The following GAD1 variants were observed in gnomAD, a reference collection of about 807,000 sequenced individuals.
GAD1 encodes 67 kDa glutamic acid decarboxylase.
In GAD1, 35 loss-of-function variants were observed where a neutral mutation model predicts 75.2. That is an observed-to-expected ratio of 0.47 (90% CI 0.36 to 0.62). GAD1 has a LOEUF of 0.62. GAD1 is among the 20% of genes least tolerant of loss of function. The pLI, the probability that GAD1 is intolerant of heterozygous loss-of-function variation, is 0.00. For missense variants in GAD1, 490 were observed against 758.5 expected (o/e 0.65, Z 4.16); for synonymous variants, 257 against 271.9 (o/e 0.95, Z 0.54).
At chr2:170,843,912 GA>G in intron 6 of GAD1, 132 bp from the exon 7 acceptor site, 1 of 670,376 alleles carries the variant, frequency 1.5e-6, no homozygotes, top group Non-Finnish European at 2.7e-6. Context: ...TCCAGGAAAT[GA>G]ATCATGTTAG....
In GAD1 at chr2:170,859,957, C is replaced by A; in HGVS notation, c.*75C>A. The A allele has an allele frequency of 1.5e-6, 2 of 1,326,934 alleles. No individual in the cohort carries two copies. The highest frequency in any genetic ancestry group is 2.1e-6 in the Non-Finnish European group (2 of 931,424). The allele number at this position is 1,326,934 out of a possible 1,614,324, so 82.2% of individuals were successfully genotyped here. On this transcript the variant is annotated 3_prime_UTR_variant, in exon 17 of 17. Transcript: ENST00000358196. The stretch of plus-strand genomic sequence containing the variant: ...CTCCAGAACAAACCTCTATATGTTG[C>A]TGAAACACACAGGCCATTTCATTGA...
At chr2:170,821,062 C>G (rs1701863486) in intron 2 of GAD1, among the ~76,000 whole-genome samples, 1 of 152,222 alleles carries the variant, frequency 6.6e-6, no homozygotes, top group Non-Finnish European at 1.5e-5. Flanking sequence ...TCTGTTGTGC[C>G]TCAGGTTTAA....
In GAD1 at chr2:170,860,143, G is replaced by A. The variant is rs1470524306; in HGVS notation, c.*261G>A. On this transcript the variant is annotated 3_prime_UTR_variant, in exon 17 of 17. Coordinates refer to ENST00000358196, the MANE Select transcript of GAD1 (RefSeq NM_000817.3). Reference sequence around the variant, plus strand: ...CTCTCTATATATACATGTATAGTGAGTGTGGCTTAGTAATAGATCACGGCA... The same window carrying A: ...CTCTCTATATATACATGTATAGTGAATGTGGCTTAGTAATAGATCACGGCA... 1 of 413,630 alleles carries A rather than the reference G, an allele frequency of 2.4e-6. No homozygotes were observed. Among genetic ancestry groups the A allele is most frequent in the East Asian group, 4.7e-5 (1 of 21,278 alleles). The allele number at this position is 413,630 out of a possible 1,614,324, so 25.6% of individuals were successfully genotyped here. A position where few individuals can be genotyped will look rare whatever the true frequency, so the allele number is the denominator to read the frequency against.
intron 12 of GAD1, among the ~76,000 whole-genome samples, chr2:170,849,730 A>G (rs1702710478): frequency 6.6e-6 from 1 of 152,236 alleles, no homozygotes; most frequent in Non-Finnish European, 1.5e-5. Flanking sequence ...ACAATAAACA[A>G]GTAGTTAGAA....
intron 2 of GAD1, among the ~76,000 whole-genome samples, chr2:170,820,964 G>T (rs761738406): frequency 6.6e-6 from 1 of 152,170 alleles, no homozygotes; most frequent in Admixed American, 6.6e-5. Flanking sequence ...TTAGGGTTTC[G>T]CTTTTGCACT....
chr2:170,842,690 T>G, intron 6 of GAD1: 1 of 1,612,050 alleles, frequency 6.2e-7, no homozygotes. Flanking sequence ...GTCTTCCTCC[T>G]AAATTTCCAG....
chr2:170,841,428 G>C (rs1224964020), intron 6 of GAD1, among the ~76,000 whole-genome samples: 1 of 152,148 alleles, frequency 6.6e-6, no homozygotes, highest in African/African-American at 2.4e-5. Flanking sequence ...CACTGGGCAT[G>C]GTGGCTCACA....
At chr2:170,850,265 G>T (rs1184652690) in intron 12 of GAD1, among the ~76,000 whole-genome samples, 4 of 152,176 alleles carry the variant, frequency 2.6e-5, no homozygotes, top group Non-Finnish European at 5.9e-5. Flanking sequence ...TATTTAATCT[G>T]TCTCATAGTA....
intron 7 of GAD1, among the ~76,000 whole-genome samples, chr2:170,844,440 ACT>A (rs1369715750): frequency 7.8e-6 from 1 of 127,948 alleles, no homozygotes; most frequent in Non-Finnish European, 1.6e-5. Context: ...ACAGGGTCTC[ACT>A]CTGTCATCCA....
At chr2:170,837,697 A>T (rs1333812383) in intron 6 of GAD1, among the ~76,000 whole-genome samples, 1 of 152,246 alleles carries the variant, frequency 6.6e-6, no homozygotes, top group Non-Finnish European at 1.5e-5. Flanking sequence ...AAAGTATCCA[A>T]AGGAAAATAA....
intron 14 of GAD1, 141 bp from the exon 15 acceptor site, chr2:170,856,877 A>T (rs1302182885): frequency 1.3e-6 from 1 of 751,312 alleles, no homozygotes; most frequent in Non-Finnish European, 2.4e-6. Flanking sequence ...AAAAGCTGAC[A>T]TATTTGATTA....
intron 5 of GAD1, among the ~76,000 whole-genome samples, chr2:170,835,858 T>C (rs1180269813): frequency 6.6e-6 from 1 of 152,240 alleles, no homozygotes; most frequent in East Asian, 1.9e-4. Flanking sequence ...CTATCTAGGA[T>C]AGTCCACATG....
At chr2:170,826,720 G>A (rs557972916) in intron 3 of GAD1, among the ~76,000 whole-genome samples, 2 of 152,222 alleles carry the variant, frequency 1.3e-5, no homozygotes, top group Non-Finnish European at 2.9e-5. Flanking sequence ...CTCAGGGAGT[G>A]AGTCAGAAGC....
intron 12 of GAD1, 74 bp downstream of exon 12, chr2:170,849,424 C>G: frequency 7.5e-7 from 1 of 1,336,746 alleles, no homozygotes; most frequent in African/African-American, 1.4e-5. Flanking sequence ...TCAGCCTGCA[C>G]CACCCTGCCC....
chr2:170,816,659 C>T (rs1311522046), upstream of GAD1: 1 of 152,130 alleles, frequency 6.6e-6, no homozygotes, highest in African/African-American at 2.4e-5. Context: ...TTCTGGATTA[C>T]TCATAAGACC....
chr2:170,841,007 C>T (rs1702504691), intron 6 of GAD1, among the ~76,000 whole-genome samples: 1 of 152,146 alleles, frequency 6.6e-6, no homozygotes, highest in East Asian at 1.9e-4. Context: ...TGACTCACTT[C>T]CCTACTCGGA....
Position 170,836,648 on chromosome 2 carries a change from C to A in GAD1, c.548-145C>A, listed in dbSNP as rs184312766. On this transcript the variant is annotated intron_variant, in intron 5 of 16. Coordinates refer to ENST00000358196, the MANE Select transcript of GAD1 (RefSeq NM_000817.3). ...TATAGGGTGGGTCAACCTGCCCTTC[C>A]TTTTTCAATATCCTTGAGCAGCCTT... 2,364 of 701,332 alleles carry A rather than the reference C, an allele frequency of 3.4e-3. 21 individuals are homozygous for A. The highest frequency in any genetic ancestry group is 4.6e-3 in the Non-Finnish European group (1,771 of 381,352). 43.4% of individuals were successfully genotyped at this position (701,332 alleles called of 1,614,324 possible). A position where few individuals can be genotyped will look rare whatever the true frequency, so the allele number is the denominator to read the frequency against.
At chr2:170,859,654 A>G (rs1702919508) in intron 16 of GAD1, 55 bp from the exon 17 acceptor site, 5 of 1,564,544 alleles carry the variant, frequency 3.2e-6, no homozygotes, top group Non-Finnish European at 4.4e-6. Context: ...GAATTGTTAA[A>G]AAGAGAGGGT....
intron 8 of GAD1, 23 bp from the exon 9 acceptor site, chr2:170,845,683 C>T (rs758947117): frequency 4.2e-5 from 68 of 1,613,832 alleles, no homozygotes; most frequent in Non-Finnish European, 5.5e-5. Context: ...CAACTTCTAA[C>T]CTCGAGCCTC....
Sources: gnomAD v4.1 joint callset for allele counts (sites outside exome capture counted in the v4.1 genomes callset) on GRCh38, gnomAD v4.1.1 for gene constraint, MANE v1.5 for transcripts, NCBI Gene and HGNC (gene_info 2026-07-23, HGNC 2026-07-21) for gene names.